HIBCH: variants seen among roughly 807,000 people sequenced by gnomAD.
The protein encoded by HIBCH is 3-hydroxyisobutyryl-CoA hydrolase, mitochondrial.
HIBCH carries 50 observed loss-of-function variants against 58.2 expected under a neutral mutation model. The ratio of observed to expected loss-of-function variants is 0.86; its 90% CI spans 0.68 to 1.09. The LOEUF is 1.09. Among genes scored for constraint, HIBCH ranks in the 50% least tolerant of loss-of-function variants. HIBCH has a pLI of 0.00. For synonymous variants in HIBCH, 151 were observed against 146.9 expected, an observed-to-expected ratio of 1.03 and a Z score of -0.20; for missense variants, 450 against 449.7, an observed-to-expected ratio of 1.00 and a Z score of -0.01.
intron 11 of HIBCH, among the ~76,000 whole-genome samples, chr2:190,231,953 T>C (rs1158345678): frequency 1.3e-5 from 2 of 152,186 alleles, no homozygotes; most frequent in Admixed American, 6.5e-5. Context: ...CCTAACACTT[T>C]GGGAGGCCAA....
chr2:190,252,223 C>A lies in HIBCH; in HGVS notation c.602G>T (p.Arg201Ile). The change falls in exon 8 of 14, where the codon AGA becomes ATA. Residue 201 changes from arginine to isoleucine, a missense_variant. By Grantham distance (97) the Arg-to-Ile change is moderately conservative. Transcript: ENST00000359678. ...LGYFLALTGF[R>I]LKGRDVYRAG... ...TCTGTACACATCTCTTCCTTTTAGT[C>A]TGAATCCTGTTAATGCAAGGAAGTA... The A allele has an allele frequency of 6.2e-7, 1 of 1,613,728 alleles. No individual in the cohort carries two copies. Among genetic ancestry groups the A allele is most frequent in the Non-Finnish European group, 8.5e-7 (1 of 1,179,666 alleles).
At chr2:190,270,909 C>A (rs1343042360) in intron 6 of HIBCH, among the ~76,000 whole-genome samples, 1 of 149,890 alleles carries the variant, frequency 6.7e-6, no homozygotes, top group Non-Finnish European at 1.5e-5. Flanking sequence ...TAGCACCAAA[C>A]AGATTTTTTT....
At chr2:190,265,660 A>C (rs1687212855) in intron 6 of HIBCH, among the ~76,000 whole-genome samples, 1 of 152,180 alleles carries the variant, frequency 6.6e-6, no homozygotes, top group South Asian at 2.1e-4. Context: ...TTAGTGTATT[A>C]TTTAAGTAAT....
intron 6 of HIBCH, among the ~76,000 whole-genome samples, chr2:190,265,501 A>G (rs1687208754): frequency 1.3e-5 from 2 of 149,148 alleles, no homozygotes; most frequent in African/African-American, 5.0e-5. Flanking sequence ...AATTCTCTAT[A>G]TATCCTAGAC....
At chr2:190,265,450 T>C (rs1367361796) in intron 6 of HIBCH, among the ~76,000 whole-genome samples, 3 of 140,402 alleles carry the variant, frequency 2.1e-5, no homozygotes, top group Admixed American at 2.1e-4. Context: ...TTCCAATCTT[T>C]TGCTCTTTTT....
intron 5 of HIBCH, 67 bp from the exon 6 acceptor site, chr2:190,287,705 A>C: frequency 8.4e-7 from 1 of 1,193,174 alleles, no homozygotes; most frequent in Admixed American, 1.8e-5. Context: ...CTTAAAAAAA[A>C]ACCCACATTA....
At position 190,209,027 on chromosome 2, in the gene HIBCH, A is replaced by G; in HGVS notation, c.1012-114T>C. Reference sequence around the variant, plus strand: ...CACTCCCATGGCCACAACCTGAACCATGACATTCAGAGACTGAACCACCTC... The same window carrying G: ...CACTCCCATGGCCACAACCTGAACCGTGACATTCAGAGACTGAACCACCTC... On this transcript the variant is annotated intron_variant, in intron 12 of 13. Transcript: ENST00000359678. This position sits in a 1 kb window ranked among gnomAD's most constrained non-coding sequence, Gnocchi z 5.6. 1.1e-6 allele frequency: 1 copy of G among 898,950 alleles called. No individual in the cohort carries two copies. The highest frequency in any genetic ancestry group is 1.4e-5 in the South Asian group (1 of 71,888). 55.7% of individuals were successfully genotyped at this position (898,950 alleles called of 1,614,324 possible). A position where few individuals can be genotyped will look rare whatever the true frequency, so the allele number is the denominator to read the frequency against.
intron 11 of HIBCH, among the ~76,000 whole-genome samples, chr2:190,222,468 GA>G (rs1225207094): frequency 4.0e-5 from 6 of 149,508 alleles, no homozygotes; most frequent in Non-Finnish European, 5.9e-5. Flanking sequence ...GTAATAATTA[GA>G]AGTGAATATC....
chr2:190,253,141 G>A (rs532357190), intron 7 of HIBCH, among the ~76,000 whole-genome samples: 22 of 152,174 alleles, frequency 1.4e-4, no homozygotes, highest in African/African-American at 5.3e-4. Context: ...GTGAGCTAAT[G>A]CCACTGCACT....
At chr2:190,244,146 T>TACAC (rs3838545) in intron 11 of HIBCH, among the ~76,000 whole-genome samples, 16 of 150,860 alleles carry the variant, frequency 1.1e-4, no homozygotes, top group South Asian at 1.0e-3. Flanking sequence ...TATATATATA[T>TACAC]ACACACACAC....
intron 1 of HIBCH, chr2:190,311,053 C>T (rs1688542029): frequency 1.6e-6 from 1 of 642,436 alleles, no homozygotes; most frequent in Non-Finnish European, 2.9e-6. Context: ...GGTTGGAAGA[C>T]AAACCAATTT....
intron 10 of HIBCH, chr2:190,245,213 G>A (rs1686571481): frequency 9.5e-6 from 4 of 422,600 alleles, no homozygotes; most frequent in South Asian, 5.1e-5. Context: ...ATATTTCCAT[G>A]TAAAGAAACA....
intron 6 of HIBCH, among the ~76,000 whole-genome samples, chr2:190,268,891 C>A (rs936113884): frequency 1.3e-5 from 2 of 152,028 alleles, no homozygotes; most frequent in East Asian, 1.9e-4. Flanking sequence ...GGTATATAGA[C>A]CAATGGAACA....
chr2:190,205,926 G>A (rs888321966), intron 13 of HIBCH, among the ~76,000 whole-genome samples: 3 of 152,154 alleles, frequency 2.0e-5, no homozygotes, highest in African/African-American at 7.2e-5. Flanking sequence ...TTATCATTTG[G>A]GAGACTGGGT....
intron 11 of HIBCH, among the ~76,000 whole-genome samples, chr2:190,229,052 T>G (rs1488750946): frequency 6.6e-6 from 1 of 152,078 alleles, no homozygotes; most frequent in Non-Finnish European, 1.5e-5. Flanking sequence ...CCTTCAAAAG[T>G]CTCCCAGAAC....
At chr2:190,313,312 C>T (rs113369813) in intron 1 of HIBCH, among the ~76,000 whole-genome samples, 418 of 152,206 alleles carry the variant, frequency 2.7e-3, no homozygotes, top group African/African-American at 9.7e-3. Context: ...CCTATTTAGG[C>T]TATTAGCATA....
intron 6 of HIBCH, among the ~76,000 whole-genome samples, chr2:190,270,204 CAGAGTTTAAAGTAAAAT>C (rs1468036988): frequency 6.6e-6 from 1 of 150,842 alleles, no homozygotes; most frequent in Non-Finnish European, 1.5e-5. Flanking sequence ...ACATGTATCC[CAGAGTTTAAAGTAAAAT>C]AAAATTTAAA....
chr2:190,191,983 A>G (rs915007836), intron 1 of HIBCH, among the ~76,000 whole-genome samples: 7 of 150,746 alleles, frequency 4.6e-5, no homozygotes, highest in African/African-American at 1.7e-4. Context: ...CTAGTTTACC[A>G]GTTTTTTTCT....
intron 6 of HIBCH, among the ~76,000 whole-genome samples, chr2:190,276,369 T>C (rs779452285): frequency 1.2e-4 from 18 of 152,326 alleles, no homozygotes; most frequent in Non-Finnish European, 2.2e-4. Flanking sequence ...TAGACCTGAT[T>C]TGGCTCCTTC....
Sources: gnomAD v4.1 joint callset for allele counts (sites outside exome capture counted in the v4.1 genomes callset) on GRCh38, gnomAD v4.1.1 for gene constraint, Gnocchi (gnomAD v3.1) non-coding constraint, MANE v1.5 for transcripts, NCBI Gene and HGNC (gene_info 2026-07-23, HGNC 2026-07-21) for gene names.